Variants in FAT3 observed in about 807,000 individuals in gnomAD.
FAT3 encodes FAT atypical cadherin 3.
In FAT3, 95 loss-of-function variants were observed where a neutral mutation model predicts 310.2. That is an observed-to-expected ratio of 0.31 (90% confidence interval 0.26 to 0.36). The LOEUF is 0.36. Ranked by LOEUF, FAT3 falls within the 10% of genes least tolerant of loss-of-function variation. FAT3 has a pLI of 1.00. For missense variants in FAT3, 5,408 were observed against 5,715.6 expected, an observed-to-expected ratio of 0.95 and a Z score of 1.74; for synonymous variants, 2,314 against 2,192.9, an observed-to-expected ratio of 1.06 and a Z score of -1.54.
At chr11:92,258,827 G>C (rs1865420063) in intron 1 of FAT3, among the ~76,000 whole-genome samples, 1 of 152,012 alleles carries the variant, frequency 6.6e-6, no homozygotes, top group Admixed American at 6.6e-5. Context: ...GTTGTAATAA[G>C]GGATGGAGCA....
At chr11:92,442,109 ATAT>A (rs1285365488) in intron 2 of FAT3, among the ~76,000 whole-genome samples, 1 of 50,084 alleles carries the variant, frequency 2.0e-5, no homozygotes, top group Non-Finnish European at 2.9e-5. Flanking sequence ...ATATATATAT[ATAT>A]TTTTTTTTTT....
chr11:92,850,122 G>A lies in FAT3; in HGVS notation c.11365+5390G>A, dbSNP rs12293444. ...CTGAAATTGGGTTTGCACTTTGGCC[G>A]GGGTTTGCTAATGCTAATTTTCTAA... On this transcript the variant is annotated intron_variant, in intron 19 of 27. Coordinates refer to ENST00000525166, the MANE Select transcript of FAT3 (RefSeq NM_001367949.2). Among the ~76,000 whole-genome samples, 327 of 152,286 alleles carry A rather than the reference G, an allele frequency of 2.1e-3. 1 individual carries two copies. Among genetic ancestry groups the A allele is most frequent in the African/African-American group, 6.7e-3 (280 of 41,560 alleles).
intron 3 of FAT3, among the ~76,000 whole-genome samples, chr11:92,609,865 A>T (rs1368407949): frequency 6.6e-6 from 1 of 152,180 alleles, no homozygotes; most frequent in African/African-American, 2.4e-5. Context: ...GATAATTTAC[A>T]TAAAACTACT....
chr11:92,743,174 A>G (rs558048316), intron 4 of FAT3, among the ~76,000 whole-genome samples: 12 of 152,316 alleles, frequency 7.9e-5, no homozygotes, highest in Non-Finnish European at 1.3e-4. Context: ...AATCATGTAC[A>G]TTGTAAAGCT....
chr11:92,265,263 G>T (rs1156770428), intron 1 of FAT3, among the ~76,000 whole-genome samples: 2 of 151,700 alleles, frequency 1.3e-5, no homozygotes, highest in Admixed American at 6.6e-5. Context: ...AACAAAAATT[G>T]TTAAGGAAAT....
At chr11:92,402,032 T>G (rs1591233737) in intron 2 of FAT3, among the ~76,000 whole-genome samples, 1 of 152,210 alleles carries the variant, frequency 6.6e-6, no homozygotes, top group South Asian at 2.1e-4. Context: ...ACACAGATTT[T>G]GCAATTATCA....
chr11:92,545,540 A>G (rs894409191), intron 3 of FAT3, among the ~76,000 whole-genome samples: 2 of 152,130 alleles, frequency 1.3e-5, no homozygotes, highest in African/African-American at 4.8e-5. Flanking sequence ...TTCTCTCTCA[A>G]AGATAACAAG....
At chr11:92,278,721 G>T (rs1024665416) in intron 1 of FAT3, among the ~76,000 whole-genome samples, 1 of 152,128 alleles carries the variant, frequency 6.6e-6, no homozygotes, top group Non-Finnish European at 1.5e-5. Flanking sequence ...TAGTTCTTTA[G>T]TTTTGAATCC....
At chr11:92,656,915 T>A (rs1168781665) in intron 3 of FAT3, among the ~76,000 whole-genome samples, 3 of 150,226 alleles carry the variant, frequency 2.0e-5, no homozygotes, top group Admixed American at 6.6e-5. Flanking sequence ...TACCACATCT[T>A]CCCACCCCCT....
At chr11:92,323,951 A>C (rs1947697781) in intron 1 of FAT3, among the ~76,000 whole-genome samples, 1 of 152,168 alleles carries the variant, frequency 6.6e-6, no homozygotes, top group Non-Finnish European at 1.5e-5. Context: ...CTCATCTTGC[A>C]CTGTTATGTT....
rs577719388 is a variant in FAT3, at chr11:92,240,777, G to A, written c.-18+15603G>A. Among the ~76,000 whole-genome samples, 3 of 152,102 alleles carry A rather than the reference G, an allele frequency of 2.0e-5. No homozygotes were observed. The South Asian group carries it at 6.2e-4, about 32-fold the overall frequency. Reference sequence around the variant, plus strand: ...AAATAATACATATCCATTGACAAAAGCCAGCAACTTACTTACCTGGTCTCA... The same window carrying A: ...AAATAATACATATCCATTGACAAAAACCAGCAACTTACTTACCTGGTCTCA... On this transcript the variant is annotated intron_variant, in intron 1 of 27. Coordinates refer to ENST00000525166, the MANE Select transcript of FAT3 (RefSeq NM_001367949.2).
At chr11:92,888,299 T>C (rs537885049) in intron 25 of FAT3, among the ~76,000 whole-genome samples, 4 of 152,288 alleles carry the variant, frequency 2.6e-5, no homozygotes, top group South Asian at 4.1e-4. Flanking sequence ...ATGTATCCTC[T>C]TTTCCTCCTC....
chr11:92,283,964 A>G (rs1295711606), intron 1 of FAT3, among the ~76,000 whole-genome samples: 1 of 152,080 alleles, frequency 6.6e-6, no homozygotes, highest in African/African-American at 2.4e-5. Flanking sequence ...GAACTTTATT[A>G]AATCTCTTAT....
intron 21 of FAT3, among the ~76,000 whole-genome samples, chr11:92,865,124 T>G (rs1949207065): frequency 1.3e-5 from 2 of 152,238 alleles, no homozygotes; most frequent in Admixed American, 6.5e-5. Flanking sequence ...TGTGTGCTTC[T>G]TAAAGCCCCC....
chr11:92,511,271 T>G (rs1953279407), intron 2 of FAT3, among the ~76,000 whole-genome samples: 1 of 152,208 alleles, frequency 6.6e-6, no homozygotes, highest in Non-Finnish European at 1.5e-5. Context: ...GAATTATCAC[T>G]TCTTCATATG....
At chr11:92,759,082 G>GT (rs1946078040) in intron 4 of FAT3, among the ~76,000 whole-genome samples, 2 of 152,144 alleles carry the variant, frequency 1.3e-5, no homozygotes, top group African/African-American at 2.4e-5. Context: ...GCAGCATGTA[G>GT]GTAGTAGATG....
chr11:92,329,242 C>T (rs1178722986), intron 1 of FAT3, among the ~76,000 whole-genome samples: 3 of 151,984 alleles, frequency 2.0e-5, no homozygotes, highest in Non-Finnish European at 4.4e-5. Flanking sequence ...TAATAGGAAA[C>T]CTTTGGGTCA....
intron 4 of FAT3, among the ~76,000 whole-genome samples, chr11:92,727,066 A>T (rs747117225): frequency 1.1e-4 from 17 of 152,162 alleles, no homozygotes; most frequent in Admixed American, 6.6e-4. Context: ...TTTTAAAACC[A>T]CTCAATCTAC....
intron 24 of FAT3, among the ~76,000 whole-genome samples, chr11:92,884,766 G>C (rs1252013209): frequency 6.6e-6 from 1 of 152,194 alleles, no homozygotes; most frequent in Non-Finnish European, 1.5e-5. Flanking sequence ...GAGATGTCTG[G>C]CTCTGTTGTT....
Sources: gnomAD v4.1 joint callset for allele counts (sites outside exome capture counted in the v4.1 genomes callset) on GRCh38, gnomAD v4.1.1 for gene constraint, MANE v1.5 for transcripts, NCBI Gene and HGNC (gene_info 2026-07-23, HGNC 2026-07-21) for gene names.